The following MMP25 variants were observed in gnomAD, a reference collection of about 807,000 sequenced individuals.
MMP25 encodes the protein matrix metallopeptidase 25, also known as matrix metalloproteinase-25.
Under a neutral mutation model 62.1 loss-of-function variants are expected in MMP25, and 68 were observed. That is an observed-to-expected ratio of 1.10 (90% CI 0.90 to 1.34). The LOEUF (loss-of-function observed/expected upper bound fraction) is 1.34, where lower values mean the gene tolerates loss of function less well. Among genes scored for constraint, MMP25 ranks in the 40% most tolerant of loss-of-function variants. The pLI, the probability that MMP25 is intolerant of heterozygous loss-of-function variation, is 0.00. For synonymous variants in MMP25, 407 were observed against 345.6 expected, an observed-to-expected ratio of 1.18 and a Z score of -1.97; for missense variants, 942 against 792.5, an observed-to-expected ratio of 1.19 and a Z score of -2.26.
rs2151165530 is a variant in MMP25, at chr16:3,058,610, A to T, written c.1358A>T (p.Asp453Val). 1.2e-6 allele frequency: 2 copies of T among 1,606,962 alleles called. No individual in the cohort carries two copies. Among genetic ancestry groups the T allele is most frequent in the Non-Finnish European group, 1.7e-6 (2 of 1,177,538 alleles). ...AARPDPGYPR[D>V]LSLWEGAPPS... is the part of the protein sequence containing the mutation. ...CGCCCGGACCCCGGCTACCCTCGCGACCTGAGCCTCTGGGAAGGCGCGCCC... is the reference window on the plus strand; with the variant it reads ...CGCCCGGACCCCGGCTACCCTCGCGTCCTGAGCCTCTGGGAAGGCGCGCCC... Residue 453 changes from aspartate to valine, a missense_variant, in exon 9 of 10, where the codon GAC becomes GTC. Physicochemically the swap from Asp to Val is radical, Grantham distance 152 (BLOSUM62 -3). Transcript: ENST00000336577.
chr16:3,056,003 GT>G (rs1956001654), intron 4 of MMP25: 1 of 452,072 alleles, frequency 2.2e-6, no homozygotes. Flanking sequence ...GGCAGGCTGT[GT>G]TCTGAGAGTG....
chr16:3,047,035 G>A lies in MMP25; in HGVS notation c.99+19G>A. On this transcript the variant is annotated intron_variant, in intron 1 of 9. Coordinates refer to ENST00000336577, the MANE Select transcript of MMP25 (RefSeq NM_022468.5). ...GGGCGTGGTGAGCGCGGGGTCCGCA[G>A]GCTCCTGGGGTCTGCAGAGAGATTG... 7.1e-7 allele frequency: 1 copy of A among 1,414,968 alleles called. No homozygotes were observed. Among genetic ancestry groups the A allele is most frequent in the Non-Finnish European group, 9.2e-7 (1 of 1,092,274 alleles). The allele number at this position is 1,414,968 out of a possible 1,614,324, so 87.7% of individuals were successfully genotyped here. A position where few individuals can be genotyped will look rare whatever the true frequency, so the allele number is the denominator to read the frequency against.
At position 3,049,997 on chromosome 16, in the gene MMP25, T is replaced by C. The variant is rs117642371; in HGVS notation, c.233-12T>C. The C allele has an allele frequency of 6.0e-4, 959 of 1,608,076 alleles. 7 individuals are homozygous for C. The East Asian group carries it at 0.019, about 32-fold the overall frequency. On this transcript the variant is annotated splice_polypyrimidine_tract_variant and intron_variant, in intron 2 of 9. Coordinates refer to ENST00000336577, the MANE Select transcript of MMP25 (RefSeq NM_022468.5). ...TGTGGACACACCCCCCACCGCCAAA[T>C]GTCTCCCGCAGACCCAGGGACAGTG...
rs1956082848 is a variant in MMP25 at position 3,059,723 on chromosome 16, A to G, written c.*625A>G. ...ACAAGGCCCCCCTACAGTCACTGCC[A>G]CACTGGTGGGGACCTGGGACCCAGA... On this transcript the variant is annotated 3_prime_UTR_variant, in exon 10 of 10. Coordinates refer to ENST00000336577, the MANE Select transcript of MMP25 (RefSeq NM_022468.5). The G allele has an allele frequency of 6.6e-6, 1 of 152,440 alleles. No individual in the cohort carries two copies. Among genetic ancestry groups the G allele is most frequent in the African/African-American group, 2.4e-5 (1 of 41,360 alleles). The allele number at this position is 152,440 out of a possible 1,614,324, so 9.4% of individuals were successfully genotyped here.
chr16:3,059,118 C>T lies in MMP25; in HGVS notation c.*20C>T. The T allele has an allele frequency of 1.3e-6, 2 of 1,512,680 alleles. No individual in the cohort carries two copies. Among genetic ancestry groups the T allele is most frequent in the African/African-American group, 1.4e-5 (1 of 72,490 alleles). 93.7% of individuals were successfully genotyped at this position (1,512,680 alleles called of 1,614,324 possible). ...CGCTGATGGGGGGAGCCATCCAGAC[C>T]GAACAGCGCCCTCCACGGCCGAGTC... is the stretch of plus-strand genomic sequence containing the variant. On this transcript the variant is annotated 3_prime_UTR_variant, in exon 10 of 10. Transcript: ENST00000336577.
chr16:3,047,016 G>T lies in MMP25; in HGVS notation c.99G>T (p.Val33=). 1 of 1,442,192 alleles carries T rather than the reference G, an allele frequency of 6.9e-7. No homozygotes were observed. Among genetic ancestry groups the T allele is most frequent in the Non-Finnish European group, 9.0e-7 (1 of 1,105,268 alleles). 89.3% of individuals were successfully genotyped at this position (1,442,192 alleles called of 1,614,324 possible). A position where few individuals can be genotyped will look rare whatever the true frequency, so the allele number is the denominator to read the frequency against. ...KPSAQDVSLG[V]DWLTRYGYLP... ...CGGCGCAGGACGTGAGCCTGGGCGT[G>T]GTGAGCGCGGGGTCCGCAGGCTCCT... The change falls in exon 1 of 10, where the codon GTG becomes GTT. Residue 33 remains valine, a splice_region_variant and synonymous_variant. Coordinates refer to ENST00000336577, the MANE Select transcript of MMP25 (RefSeq NM_022468.5).
intron 4 of MMP25, chr16:3,052,624 G>C (rs1567125527): frequency 6.5e-6 from 1 of 152,978 alleles, no homozygotes; most frequent in Non-Finnish European, 1.5e-5. Flanking sequence ...CCTGGTGACA[G>C]GGGAGATGAG....
rs188452358 is a variant in MMP25, at chr16:3,050,033, G to T, written c.257G>T (p.Arg86Leu). ...RMDPGTVATM[R>L]KPRCSLPDVL... Reference sequence around the variant, plus strand: ...GACCCAGGGACAGTGGCCACCATGCGTAAGCCCCGCTGCTCCCTGCCTGAC... The same window carrying T: ...GACCCAGGGACAGTGGCCACCATGCTTAAGCCCCGCTGCTCCCTGCCTGAC... The change falls in exon 3 of 10, where the codon CGT (arginine) becomes CTT (leucine). Residue 86 changes from arginine to leucine, a missense_variant. Arg to Leu is a moderately radical substitution (Grantham distance 102). Transcript: ENST00000336577. 5 of 1,610,254 alleles carry T rather than the reference G, an allele frequency of 3.1e-6. No individual in the cohort carries two copies. Among genetic ancestry groups the T allele is most frequent in the Admixed American group, 1.7e-5 (1 of 60,024 alleles).
Position 3,057,600 on chromosome 16 carries a change from T to C in MMP25, c.993T>C (p.Thr331=). 6.2e-7 allele frequency: 1 copy of C among 1,614,156 alleles called. No homozygotes were observed. Among genetic ancestry groups the C allele is most frequent in the Non-Finnish European group, 8.5e-7 (1 of 1,179,982 alleles). Residue 331 remains threonine (T), a synonymous_variant, in exon 7 of 10, where the codon ACT becomes ACC. Coordinates refer to ENST00000336577, the MANE Select transcript of MMP25 (RefSeq NM_022468.5). ...CCATCGCCAACATCCGAGGGGAAAC[T>C]TTCTTCTTCAAAGGTGAGTCATTTC... is the stretch of plus-strand genomic sequence containing the variant. ...FDAIANIRGE[T]FFFKGPWFWR...
intron 4 of MMP25, chr16:3,056,000 TGTG>T: frequency 4.4e-6 from 2 of 452,532 alleles, no homozygotes; most frequent in South Asian, 3.1e-5. Context: ...GCCGGCAGGC[TGTG>T]TTCTGAGAGT....
Position 3,058,263 on chromosome 16 carries a change from G to A in MMP25, c.1089G>A (p.Leu363=), listed in dbSNP as rs1207649211. ...PARLHRFWEG[L]PAQVRVVQAA... ...GGCTGCACCGCTTCTGGGAGGGGCT[G>A]CCCGCCCAGGTGAGGGTGGTGCAGG... Residue 363 remains leucine (L), a synonymous_variant, in exon 8 of 10, where the codon CTG becomes CTA. Coordinates refer to ENST00000336577, the MANE Select transcript of MMP25 (RefSeq NM_022468.5). 13 of 1,610,972 alleles carry A rather than the reference G, an allele frequency of 8.1e-6. No individual in the cohort carries two copies. In the African/African-American group the frequency reaches 9.4e-5, roughly 12 times the overall value.
Position 3,057,309 on chromosome 16 carries a change from G to A in MMP25, c.839-1G>A. 6.2e-7 allele frequency: 1 copy of A among 1,614,074 alleles called. No homozygotes were observed. The highest frequency in any genetic ancestry group is 1.6e-4 in the Middle Eastern group (1 of 6,062). ...ACACCTGCCTGACTCTTTCCTCACA[G>A]GGAAGGCGCCCCAAACCCCATATGA... On this transcript the variant is annotated splice_acceptor_variant, in intron 5 of 9. Coordinates refer to ENST00000336577, the MANE Select transcript of MMP25 (RefSeq NM_022468.5). LOFTEE classifies it high-confidence loss of function.
intron 7 of MMP25, 157 bp downstream of exon 7, chr16:3,057,770 C>T: frequency 1.4e-6 from 1 of 693,326 alleles, no homozygotes; most frequent in Non-Finnish European, 2.5e-6. Context: ...GTGATCATGG[C>T]TCACTGCAGC....
chr16:3,055,952 A>G, intron 4 of MMP25: 1 of 455,410 alleles, frequency 2.2e-6, no homozygotes. Context: ...TGAGCTGAAT[A>G]CAGAGGGAAG....
At chr16:3,055,599 C>G in intron 4 of MMP25, 1 of 326,290 alleles carries the variant, frequency 3.1e-6, no homozygotes, top group Non-Finnish European at 6.1e-6. Flanking sequence ...GAGAAGTGAA[C>G]GAAAACGTGT....
rs1956083915 is a variant in MMP25 at position 3,059,797 on chromosome 16, T to C, written c.*699T>C. The C allele has an allele frequency of 6.6e-6, 1 of 152,314 alleles. No individual in the cohort carries two copies. The highest frequency in any genetic ancestry group is 6.5e-5 in the Admixed American group (1 of 15,280). The allele number at this position is 152,314 out of a possible 1,614,324, so 9.4% of individuals were successfully genotyped here. On this transcript the variant is annotated 3_prime_UTR_variant, in exon 10 of 10. Coordinates refer to ENST00000336577, the MANE Select transcript of MMP25 (RefSeq NM_022468.5). ...CCCTGAGGACCCATGCGCCACGTCC[T>C]GGGTGGTGGAATCAGTGGCTGGAGG...
In MMP25 at chr16:3,046,667, C is replaced by A; in HGVS notation, c.-251C>A. 2.8e-6 allele frequency: 1 copy of A among 358,042 alleles called. No individual in the cohort carries two copies. Among genetic ancestry groups the A allele is most frequent in the South Asian group, 1.1e-4 (1 of 8,820 alleles). 22.2% of individuals were successfully genotyped at this position (358,042 alleles called of 1,614,324 possible). On this transcript the variant is annotated 5_prime_UTR_variant, in exon 1 of 10. Coordinates refer to ENST00000336577, the MANE Select transcript of MMP25 (RefSeq NM_022468.5). ...CAGACCTCCGCCGCTCCCGCGCCCT[C>A]TCAACCATCCTGGGATTCCCGGGCC...
Position 3,057,151 on chromosome 16 carries a change from C to G in MMP25, c.780C>G (p.Gly260=). Residue 260 remains glycine (G), a synonymous_variant, in exon 5 of 10, where the codon GGC becomes GGG. Coordinates refer to ENST00000336577, the MANE Select transcript of MMP25 (RefSeq NM_022468.5). The stretch of plus-strand genomic sequence containing the variant: ...GGCCCTTCTACCAGGGTCCGGTGGG[C>G]GACCCTGACAAGTACCGCCTGTCTC... The part of the protein sequence containing the change: ...IMRPFYQGPV[G]DPDKYRLSQD... The G allele has an allele frequency of 6.2e-7, 1 of 1,613,210 alleles. No homozygotes were observed. The highest frequency in any genetic ancestry group is 8.5e-7 in the Non-Finnish European group (1 of 1,179,598).
At position 3,059,038 on chromosome 16, in the gene MMP25, G is replaced by T; in HGVS notation, c.1629G>T (p.Trp543Cys). The T allele has an allele frequency of 1.3e-6, 2 of 1,553,188 alleles. No homozygotes were observed. Among genetic ancestry groups the T allele is most frequent in the Non-Finnish European group, 1.7e-6 (2 of 1,148,052 alleles). ...QCELNQAAGR[W>C]PAPIPLLLLP... Reference sequence around the variant, plus strand: ...AGCTCAACCAGGCCGCAGGACGTTGGCCTGCTCCCATCCCGCTGCTCCTCT... The same window carrying T: ...AGCTCAACCAGGCCGCAGGACGTTGTCCTGCTCCCATCCCGCTGCTCCTCT... The change falls in exon 10 of 10, where the codon TGG becomes TGT. Residue 543 changes from tryptophan (W) to cysteine (C), a missense_variant. By Grantham distance (215) the Trp-to-Cys change is radical (BLOSUM62 -2). Coordinates refer to ENST00000336577, the MANE Select transcript of MMP25 (RefSeq NM_022468.5).
Sources: allele counts gnomAD v4.1 joint callset, GRCh38; gene constraint gnomAD v4.1.1; transcripts MANE v1.5; gene names NCBI Gene and HGNC (gene_info 2026-07-23, HGNC 2026-07-21).